Variants in COG5 observed in about 807,000 individuals in gnomAD.
COG5 encodes the protein component of oligomeric golgi complex 5, also known as conserved oligomeric Golgi complex subunit 5.
COG5 carries 86 observed loss-of-function variants against 110.4 expected under a neutral mutation model. The ratio of observed to expected loss-of-function variants is 0.78; its 90% confidence interval spans 0.65 to 0.93. COG5 has a LOEUF of 0.93. Ranked by LOEUF, COG5 falls within the 40% of genes least tolerant of loss-of-function variation. The probability of loss-of-function intolerance (pLI) is 0.00; values close to 1 mark genes in which losing one functional copy is unlikely to be tolerated. For missense variants in COG5, 1,077 were observed against 987.0 expected (o/e 1.09, Z -1.22); for synonymous variants, 360 against 334.6 (o/e 1.08, Z -0.83).
intron 5 of COG5, among the ~76,000 whole-genome samples, chr7:107,543,620 C>T (rs964948202): frequency 6.6e-6 from 1 of 152,114 alleles, no homozygotes; most frequent in Admixed American, 6.5e-5. Context: ...CAGGTTAGCA[C>T]TCAGACTTCC....
At chr7:107,508,044 T>C (rs1457385038) in intron 6 of COG5, among the ~76,000 whole-genome samples, 1 of 152,150 alleles carries the variant, frequency 6.6e-6, no homozygotes, top group Non-Finnish European at 1.5e-5. Context: ...AGACAGTGGG[T>C]GCAACGCACC....
chr7:107,474,303 A>G lies in COG5; in HGVS notation c.538+52934T>C. 1.2e-6 allele frequency: 2 copies of G among 1,611,240 alleles called. No homozygotes were observed. The highest frequency in any genetic ancestry group is 1.7e-6 in the Non-Finnish European group (2 of 1,177,564). On this transcript the variant is annotated intron_variant, in intron 6 of 21. Transcript: ENST00000297135. This position sits in a 1 kb window ranked among gnomAD's most constrained non-coding sequence, Gnocchi z 5.7. ...TCAACTCTGTCAGTAACATTATTAC[A>G]ATGAATCTTCATGTACTTGATGTAA...
chr7:107,546,103 AT>A (rs1802423436), intron 5 of COG5, among the ~76,000 whole-genome samples: 1 of 152,216 alleles, frequency 6.6e-6, no homozygotes. Context: ...CTCAAAAAAA[AT>A]AAACAACATG....
Position 107,366,919 on chromosome 7 carries a change from T to C in COG5, c.836-4499A>G, listed in dbSNP as rs140695077. ...TATAAAAGGTGCATTCTGACCAACA[T>C]TCTACCAGTGGTAAGTATAGTGGGA... On this transcript the variant is annotated intron_variant, in intron 8 of 21. Transcript: ENST00000297135. Among the ~76,000 whole-genome samples the C allele has an allele frequency of 2.6e-4, 39 of 152,210 alleles. No homozygotes were observed. In the East Asian group the frequency reaches 6.7e-3, roughly 26 times the overall value.
At chr7:107,205,669 T>C (rs1798715910) in intron 21 of COG5, among the ~76,000 whole-genome samples, 1 of 152,194 alleles carries the variant, frequency 6.6e-6, no homozygotes, top group African/African-American at 2.4e-5. Context: ...TAGAATACCC[T>C]TCCTTGCTTA....
chr7:107,220,032 C>G (rs1414996621), intron 19 of COG5, among the ~76,000 whole-genome samples: 3 of 152,126 alleles, frequency 2.0e-5, no homozygotes, highest in African/African-American at 7.2e-5. Flanking sequence ...TAAACAGAGG[C>G]ATAGAGAAAT....
rs73187366 is a variant in COG5 at position 107,415,649 on chromosome 7, C to T, written c.539-3017G>A. 4.3e-3 allele frequency among the ~76,000 whole-genome samples: 652 copies of T among 151,120 alleles called. 2 individuals are homozygous for T. The highest frequency in any genetic ancestry group is 6.9e-3 in the Non-Finnish European group (465 of 67,712). On this transcript the variant is annotated intron_variant, in intron 6 of 21. Coordinates refer to ENST00000297135, the MANE Select transcript of COG5 (RefSeq NM_006348.5). ...AAAGGTGAATATATTTGAGCACAAA[C>T]GCATTTATTACAGTGTTAATTGCAA...
At chr7:107,508,804 T>C (rs1799251947) in intron 6 of COG5, among the ~76,000 whole-genome samples, 3 of 152,172 alleles carry the variant, frequency 2.0e-5, no homozygotes, top group Non-Finnish European at 2.9e-5. Context: ...AGTGGACCTC[T>C]AGCAAACTCC....
intron 18 of COG5, among the ~76,000 whole-genome samples, chr7:107,235,082 G>C (rs1289071502): frequency 6.6e-6 from 1 of 152,158 alleles, no homozygotes; most frequent in Non-Finnish European, 1.5e-5. Flanking sequence ...AATATTATTT[G>C]GAGATGAAAA....
chr7:107,232,434 A>G (rs1274672425), intron 18 of COG5, among the ~76,000 whole-genome samples: 1 of 152,212 alleles, frequency 6.6e-6, no homozygotes, highest in Non-Finnish European at 1.5e-5. Context: ...ACATACTGAA[A>G]TTATATATTT....
intron 8 of COG5, among the ~76,000 whole-genome samples, chr7:107,372,168 A>G (rs1814235605): frequency 1.3e-5 from 2 of 152,168 alleles, no homozygotes; most frequent in African/African-American, 2.4e-5. Context: ...GTCCACAGTC[A>G]GTCATTATTT....
intron 6 of COG5, among the ~76,000 whole-genome samples, chr7:107,429,629 C>T (rs762404858): frequency 6.6e-6 from 1 of 152,082 alleles, no homozygotes; most frequent in African/African-American, 2.4e-5. Flanking sequence ...TGTGTCCCTA[C>T]CCAAATCTTA....
chr7:107,224,157 C>T (rs1800152969), intron 19 of COG5, among the ~76,000 whole-genome samples: 1 of 152,094 alleles, frequency 6.6e-6, no homozygotes, highest in Non-Finnish European at 1.5e-5. Context: ...TTAAGGGCTC[C>T]AGATCCACAA....
At chr7:107,345,856 C>G (rs1811557202) in intron 10 of COG5, among the ~76,000 whole-genome samples, 1 of 152,052 alleles carries the variant, frequency 6.6e-6, no homozygotes, top group Admixed American at 6.5e-5. Context: ...TAAAAATAAA[C>G]AAACAAACCA....
chr7:107,554,908 G>GC (rs1418362780), intron 2 of COG5, among the ~76,000 whole-genome samples: 1 of 152,094 alleles, frequency 6.6e-6, no homozygotes, highest in East Asian at 1.9e-4. Context: ...ACTCAGACAA[G>GC]CCCCTTGCTA....
intron 6 of COG5, among the ~76,000 whole-genome samples, chr7:107,497,973 T>C (rs1426819915): frequency 6.6e-6 from 1 of 152,006 alleles, no homozygotes; most frequent in Non-Finnish European, 1.5e-5. Flanking sequence ...AGCCCAGAAA[T>C]AAATTCATGC....
At chr7:107,506,880 G>A (rs541162456) in intron 6 of COG5, among the ~76,000 whole-genome samples, 1 of 152,290 alleles carries the variant, frequency 6.6e-6, no homozygotes, top group Non-Finnish European at 1.5e-5. Context: ...AAATTCAGTT[G>A]GGAGGTTCTT....
At chr7:107,430,058 G>T (rs1793910256) in intron 6 of COG5, among the ~76,000 whole-genome samples, 1 of 152,122 alleles carries the variant, frequency 6.6e-6, no homozygotes, top group Non-Finnish European at 1.5e-5. Context: ...TCTGTGGATT[G>T]TCTTTTCACT....
intron 5 of COG5, among the ~76,000 whole-genome samples, chr7:107,537,571 A>G (rs150841325): frequency 0.13 from 19,098 of 152,008 alleles, 1,502 homozygotes; most frequent in Non-Finnish European, 0.17. Flanking sequence ...GGAATATCAC[A>G]CACCAGGGCC....
Sources: gnomAD v4.1 joint callset for allele counts (sites outside exome capture counted in the v4.1 genomes callset) on GRCh38, gnomAD v4.1.1 for gene constraint, Gnocchi (gnomAD v3.1) non-coding constraint, MANE v1.5 for transcripts, NCBI Gene and HGNC (gene_info 2026-07-23, HGNC 2026-07-21) for gene names.